Variants in DAGLB observed in about 807,000 individuals in gnomAD.
The protein encoded by DAGLB is diacylglycerol lipase-beta.
DAGLB carries 66 observed loss-of-function variants against 72.1 expected under a neutral mutation model. That is an observed-to-expected ratio of 0.92 (90% CI 0.75 to 1.12). DAGLB has a LOEUF of 1.12. DAGLB is among the 50% of genes most tolerant of loss of function. The pLI is 0.00. For missense variants in DAGLB, 1,065 were observed against 884.9 expected (o/e 1.20, Z -2.58); for synonymous variants, 414 against 359.5 (o/e 1.15, Z -1.71).
intron 2 of DAGLB, among the ~76,000 whole-genome samples, chr7:6,441,502 C>T (rs943983578): frequency 1.3e-4 from 19 of 151,188 alleles, no homozygotes; most frequent in African/African-American, 4.6e-4. Flanking sequence ...ACTGCAACCT[C>T]CGCCTCCCGA....
intron 11 of DAGLB, among the ~76,000 whole-genome samples, chr7:6,414,986 T>C (rs1025643167): frequency 4.6e-5 from 7 of 151,838 alleles, no homozygotes; most frequent in South Asian, 2.1e-4. Context: ...CTGGGCAACA[T>C]AGCAAGACCC....
intron 9 of DAGLB, among the ~76,000 whole-genome samples, chr7:6,419,875 C>T (rs970961105): frequency 3.3e-5 from 5 of 152,148 alleles, no homozygotes; most frequent in African/African-American, 1.2e-4. Flanking sequence ...GGCGTGGTGG[C>T]TCACGCCTGC....
At chr7:6,411,009 A>G (rs552980657) in intron 13 of DAGLB, among the ~76,000 whole-genome samples, 1 of 149,092 alleles carries the variant, frequency 6.7e-6, no homozygotes. Flanking sequence ...CTCAGCCACC[A>G]GAGTAGCTGG....
In DAGLB at chr7:6,432,841, G is replaced by T; in HGVS notation, c.797C>A (p.Ser266Tyr). 1 of 1,613,548 alleles carries T rather than the reference G, an allele frequency of 6.2e-7. No homozygotes were observed. The highest frequency in any genetic ancestry group is 2.2e-5 in the East Asian group (1 of 44,872). ...AQVVCHAPGS[S>Y]QEADLDAELE... ...ACTCCATGAAGCCAGGCTCACCTGG[G>T]AGCTCCCTGGGGCATGGCAGACCAC... The change falls in exon 5 of 15, where the codon TCC (serine) becomes TAC (tyrosine). Residue 266 changes from serine to tyrosine, a missense_variant. Physicochemically the swap from Ser to Tyr is moderately radical, Grantham distance 144. Transcript: ENST00000297056.
chr7:6,447,123 G>A (rs562522644), intron 1 of DAGLB, among the ~76,000 whole-genome samples: 106 of 152,340 alleles, frequency 7.0e-4, no homozygotes, highest in South Asian at 2.5e-3. Context: ...ACAGGCGTGA[G>A]CCATGGCGCC....
rs774895598 is a variant in DAGLB, at chr7:6,425,972, T to C, written c.1056+16A>G. 6.2e-7 allele frequency: 1 copy of C among 1,613,460 alleles called. No homozygotes were observed. Among genetic ancestry groups the C allele is most frequent in the South Asian group, 1.1e-5 (1 of 91,050 alleles). ...ACCCAAAAGAAGTGAAGAGCCGCTG[T>C]CTGCAGCGTCCACACCTTGTCATGG... On this transcript the variant is annotated intron_variant, in intron 7 of 14. Transcript: ENST00000297056.
chr7:6,436,159 A>G (rs2115283762), intron 3 of DAGLB, among the ~76,000 whole-genome samples: 1 of 152,302 alleles, frequency 6.6e-6, no homozygotes, highest in East Asian at 1.9e-4. Context: ...AGAAATCTAC[A>G]TCAATACGTG....
intron 9 of DAGLB, among the ~76,000 whole-genome samples, chr7:6,418,880 G>A (rs1041720333): frequency 1.3e-5 from 2 of 151,712 alleles, no homozygotes; most frequent in Admixed American, 6.6e-5. Context: ...TAGCCAGGAT[G>A]GTCTCCATCT....
chr7:6,411,596 G>C (rs1017357229), intron 13 of DAGLB, among the ~76,000 whole-genome samples: 1 of 152,172 alleles, frequency 6.6e-6, no homozygotes, highest in African/African-American at 2.4e-5. Context: ...ACTCCAGCCT[G>C]GGTGACAAAG....
At chr7:6,429,826 C>T (rs1562484806) in intron 6 of DAGLB, among the ~76,000 whole-genome samples, 1 of 152,068 alleles carries the variant, frequency 6.6e-6, no homozygotes, top group Non-Finnish European at 1.5e-5. Flanking sequence ...AGACGGATCA[C>T]GAGGTCAGGA....
chr7:6,435,161 A>G, intron 3 of DAGLB, 141 bp from the exon 4 acceptor site: 1 of 1,290,984 alleles, frequency 7.7e-7, no homozygotes, highest in Non-Finnish European at 1.1e-6. Flanking sequence ...GCTCTCCTGG[A>G]ACCTGCCTGA....
chr7:6,436,375 T>C lies in DAGLB; in HGVS notation c.406A>G (p.Thr136Ala), dbSNP rs1259437905. 1.2e-6 allele frequency: 2 copies of C among 1,609,174 alleles called. No individual in the cohort carries two copies. Among genetic ancestry groups the C allele is most frequent in the Non-Finnish European group, 8.5e-7 (1 of 1,178,572 alleles). ...GGGAGATGTCACCTGACCACGACGG[T>C]TGCGATGATGCCGTTTACAACTGTC... ...DRTVVNGIIA[T>A]VVVSWIIIAA... Residue 136 changes from threonine to alanine, a missense_variant, in exon 3 of 15, where the codon ACC becomes GCC. Physicochemically the swap from Thr to Ala is moderately conservative, Grantham distance 58 (BLOSUM62 0). Coordinates refer to ENST00000297056, the MANE Select transcript of DAGLB (RefSeq NM_139179.4).
At chr7:6,432,573 T>C (rs1784518241) in intron 5 of DAGLB, among the ~76,000 whole-genome samples, 1 of 148,860 alleles carries the variant, frequency 6.7e-6, no homozygotes, top group Admixed American at 6.8e-5. Context: ...GGCAGGAGAA[T>C]GGTGTGAACC....
At chr7:6,440,386 CA>C (rs58281609) in intron 2 of DAGLB, among the ~76,000 whole-genome samples, 57,359 of 133,468 alleles carry the variant, frequency 0.43, 14,357 homozygotes, top group African/African-American at 0.72. Context: ...ACTCCGTCTC[CA>C]AAAAAAAAAA....
At chr7:6,419,534 C>G (rs6957783) in intron 9 of DAGLB, among the ~76,000 whole-genome samples, 1,541 of 152,328 alleles carry the variant, frequency 0.01, 21 homozygotes, top group African/African-American at 0.036. Context: ...TGGACAGCGT[C>G]AGAGCCAAAC....
intron 8 of DAGLB, 45 bp from the exon 9 acceptor site, chr7:6,421,849 C>A: frequency 6.3e-7 from 1 of 1,599,138 alleles, no homozygotes; most frequent in Non-Finnish European, 8.5e-7. Flanking sequence ...CTGTGATGGG[C>A]AGGGTGGGAG....
At position 6,429,133 on chromosome 7, in the gene DAGLB, C is replaced by T. The variant is rs191700236; in HGVS notation, c.929+1347G>A. ...ACAAGATATTTAAATGGTCTCAAGGCTGGCAGTCACCACCTCAGCCAAGCA... is the reference window on the plus strand; with the variant it reads ...ACAAGATATTTAAATGGTCTCAAGGTTGGCAGTCACCACCTCAGCCAAGCA... On this transcript the variant is annotated intron_variant, in intron 6 of 14. Coordinates refer to ENST00000297056, the MANE Select transcript of DAGLB (RefSeq NM_139179.4). Among the ~76,000 whole-genome samples the T allele has an allele frequency of 3.6e-3, 550 of 152,210 alleles. 1 individual carries two copies. Among genetic ancestry groups the T allele is most frequent in the Admixed American group, 6.4e-3 (97 of 15,266 alleles).
chr7:6,441,092 ATTTT>A (rs34344272), intron 2 of DAGLB, among the ~76,000 whole-genome samples: 2 of 139,214 alleles, frequency 1.4e-5, no homozygotes, highest in Non-Finnish European at 3.1e-5. Context: ...CAAACTGACA[ATTTT>A]TTTTTTTTTT....
At chr7:6,414,687 G>A (rs1300116780) in intron 11 of DAGLB, among the ~76,000 whole-genome samples, 1 of 152,042 alleles carries the variant, frequency 6.6e-6, no homozygotes, top group Non-Finnish European at 1.5e-5. Flanking sequence ...CCAATGAAAA[G>A]GCCTGGAAAT....
Sources: gnomAD v4.1 joint callset for allele counts (sites outside exome capture counted in the v4.1 genomes callset) on GRCh38, gnomAD v4.1.1 for gene constraint, MANE v1.5 for transcripts, NCBI Gene and HGNC (gene_info 2026-07-23, HGNC 2026-07-21) for gene names.